The following PLCXD3 variants were observed in gnomAD, a reference collection of about 807,000 sequenced individuals.
PLCXD3 encodes PI-PLC X domain-containing protein 3.
Under a neutral mutation model 25.5 loss-of-function variants are expected in PLCXD3, and 19 were observed. The ratio of observed to expected loss-of-function variants is 0.75; its 90% CI spans 0.52 to 1.09. The LOEUF (loss-of-function observed/expected upper bound fraction) is 1.09. PLCXD3 is among the 50% of genes least tolerant of loss of function. The probability of loss-of-function intolerance (pLI) is 0.00; values close to 1 mark genes in which losing one functional copy is unlikely to be tolerated. For missense variants in PLCXD3, 411 were observed against 388.1 expected (o/e 1.06, Z -0.50); for synonymous variants, 174 against 137.6 (o/e 1.26, Z -1.85).
intron 1 of PLCXD3, among the ~76,000 whole-genome samples, chr5:41,497,969 G>C (rs539805999): frequency 2.5e-4 from 38 of 151,360 alleles, no homozygotes; most frequent in South Asian, 1.9e-3. Flanking sequence ...GAAATCAAAA[G>C]GGAATTTTAA....
intron 2 of PLCXD3, among the ~76,000 whole-genome samples, chr5:41,361,466 A>C (rs1279239889): frequency 6.6e-6 from 1 of 152,228 alleles, no homozygotes; most frequent in Non-Finnish European, 1.5e-5. Context: ...TTCTTGAAGC[A>C]AAAGTTCATG....
intron 1 of PLCXD3, among the ~76,000 whole-genome samples, chr5:41,418,359 A>ACAGACCCT (rs1746740087): frequency 6.6e-6 from 1 of 152,150 alleles, no homozygotes; most frequent in Non-Finnish European, 1.5e-5. Context: ...ACACAGACCC[A>ACAGACCCT]CACACCCTGG....
intron 1 of PLCXD3, among the ~76,000 whole-genome samples, chr5:41,491,256 C>T (rs1748662506): frequency 6.6e-6 from 1 of 152,212 alleles, no homozygotes; most frequent in Non-Finnish European, 1.5e-5. Flanking sequence ...GAGTGAGTTT[C>T]TTAATCCTGA....
At chr5:41,410,500 C>T (rs978495400) in intron 1 of PLCXD3, among the ~76,000 whole-genome samples, 9 of 152,004 alleles carry the variant, frequency 5.9e-5, no homozygotes, top group African/African-American at 9.7e-5. Context: ...TACCGGATGT[C>T]GCAATGCCAA....
chr5:41,365,465 C>T (rs1161535162), intron 2 of PLCXD3, among the ~76,000 whole-genome samples: 1 of 152,152 alleles, frequency 6.6e-6, no homozygotes, highest in Non-Finnish European at 1.5e-5. Flanking sequence ...TCATGCCATT[C>T]TCTAGGTTTG....
intron 2 of PLCXD3, among the ~76,000 whole-genome samples, chr5:41,318,016 C>T (rs1364259449): frequency 6.6e-6 from 1 of 151,718 alleles, no homozygotes; most frequent in Non-Finnish European, 1.5e-5. Flanking sequence ...CACAAGAAGG[C>T]CAGGAGAGCA....
rs1410028127 is a variant in PLCXD3 at position 41,307,423 on chromosome 5, T to C, written c.*6194A>G. On this transcript the variant is annotated 3_prime_UTR_variant, in exon 3 of 3. Coordinates refer to ENST00000377801, the MANE Select transcript of PLCXD3 (RefSeq NM_001005473.3). ...AAGCTAGAATTTAGGAATTCCAACA[T>C]GGTTCTATTTTCTGCATTGTTTTAG... The C allele has an allele frequency of 6.6e-6, 1 of 152,608 alleles. No homozygotes were observed. The highest frequency in any genetic ancestry group is 1.5e-5 in the Non-Finnish European group (1 of 68,030). The allele number at this position is 152,608 out of a possible 1,614,324, so 9.5% of individuals were successfully genotyped here. A position where few individuals can be genotyped will look rare whatever the true frequency, so the allele number is the denominator to read the frequency against.
In PLCXD3 at chr5:41,400,325, T is replaced by C. The variant is rs1817335; in HGVS notation, c.104-17791A>G. Among the ~76,000 whole-genome samples the C allele has an allele frequency of 2.2e-3, 329 of 152,214 alleles. 1 individual carries two copies. Among genetic ancestry groups the C allele is most frequent in the African/African-American group, 7.5e-3 (312 of 41,562 alleles). ...ATAGAGCTACCATATGATCTAGCCA[T>C]CCCACTGCTGGGTATATACCCAAAA... On this transcript the variant is annotated intron_variant, in intron 1 of 2. Transcript: ENST00000377801.
At chr5:41,485,713 C>T (rs977258529) in intron 1 of PLCXD3, among the ~76,000 whole-genome samples, 22 of 152,178 alleles carry the variant, frequency 1.4e-4, no homozygotes, top group Non-Finnish European at 2.8e-4. Flanking sequence ...ACTCTACAAA[C>T]TATATCTGGT....
At chr5:41,419,487 A>C (rs989809179) in intron 1 of PLCXD3, among the ~76,000 whole-genome samples, 3 of 152,220 alleles carry the variant, frequency 2.0e-5, no homozygotes, top group African/African-American at 7.2e-5. Context: ...TCATGATGCC[A>C]AGACATGGTT....
intron 2 of PLCXD3, among the ~76,000 whole-genome samples, chr5:41,341,702 G>T (rs1216319284): frequency 1.3e-5 from 2 of 151,932 alleles, no homozygotes; most frequent in Non-Finnish European, 2.9e-5. Context: ...GGATAAATAG[G>T]CAAGGCCATG....
intron 1 of PLCXD3, among the ~76,000 whole-genome samples, chr5:41,391,924 G>A (rs577031036): frequency 2.6e-4 from 40 of 152,250 alleles, no homozygotes; most frequent in African/African-American, 7.7e-4. Flanking sequence ...AGTACTCCTC[G>A]TGGCCTGGGG....
At chr5:41,366,340 T>A (rs1040298938) in intron 2 of PLCXD3, among the ~76,000 whole-genome samples, 1 of 152,092 alleles carries the variant, frequency 6.6e-6, no homozygotes, top group East Asian at 1.9e-4. Context: ...AAACATGAGG[T>A]TCAGAGCAAG....
chr5:41,412,061 T>C (rs1385574872), intron 1 of PLCXD3, among the ~76,000 whole-genome samples: 2 of 151,864 alleles, frequency 1.3e-5, no homozygotes, highest in Non-Finnish European at 2.9e-5. Context: ...TTTCTAACAA[T>C]TGTTTTACTT....
chr5:41,426,143 T>C (rs79305307), intron 1 of PLCXD3, among the ~76,000 whole-genome samples: 9,026 of 152,012 alleles, frequency 0.059, 886 homozygotes, highest in African/African-American at 0.2. Flanking sequence ...ATTTGGGTCA[T>C]TCTAATAGGT....
At chr5:41,345,198 G>C (rs1016121118) in intron 2 of PLCXD3, among the ~76,000 whole-genome samples, 1 of 152,172 alleles carries the variant, frequency 6.6e-6, no homozygotes, top group Non-Finnish European at 1.5e-5. Flanking sequence ...CTTTCCTTGA[G>C]ATTTTTCCAA....
At chr5:41,330,505 T>G (rs1743763907) in intron 2 of PLCXD3, among the ~76,000 whole-genome samples, 1 of 152,154 alleles carries the variant, frequency 6.6e-6, no homozygotes, top group South Asian at 2.1e-4. Flanking sequence ...ACAGCCGAAT[T>G]CTACCAGAGG....
At chr5:41,453,455 G>T (rs1456942264) in intron 1 of PLCXD3, among the ~76,000 whole-genome samples, 4 of 149,956 alleles carry the variant, frequency 2.7e-5, no homozygotes, top group Non-Finnish European at 4.4e-5. Context: ...TCTCCACTTT[G>T]TTTTGCTTCT....
intron 1 of PLCXD3, among the ~76,000 whole-genome samples, chr5:41,506,416 C>T (rs770339522): frequency 1.3e-5 from 2 of 152,176 alleles, no homozygotes. Context: ...GATATTCATC[C>T]TAAACAATGT....
Sources: allele counts gnomAD v4.1 joint callset (sites outside exome capture counted in the v4.1 genomes callset), GRCh38; gene constraint gnomAD v4.1.1; transcripts MANE v1.5; gene names NCBI Gene and HGNC (gene_info 2026-07-23, HGNC 2026-07-21).